SMYD3: variants seen among roughly 807,000 people sequenced by gnomAD.
The protein encoded by SMYD3 is histone-lysine N-methyltransferase SMYD3.
SMYD3 carries 36 observed loss-of-function variants against 57.7 expected under a neutral mutation model. That is an observed-to-expected ratio of 0.62 (90% CI 0.48 to 0.82). SMYD3 has a LOEUF of 0.82. SMYD3 is among the 40% of genes least tolerant of loss of function. The probability of loss-of-function intolerance (pLI) is 0.00; values close to 1 mark genes in which losing one functional copy is unlikely to be tolerated. For missense variants in SMYD3, 515 were observed against 538.8 expected, an observed-to-expected ratio of 0.96 and a Z score of 0.44; for synonymous variants, 211 against 195.0, an observed-to-expected ratio of 1.08 and a Z score of -0.68.
chr1:246,346,200 C>T (rs982318435), intron 2 of SMYD3, among the ~76,000 whole-genome samples: 3 of 152,032 alleles, frequency 2.0e-5, no homozygotes, highest in Non-Finnish European at 2.9e-5. Context: ...AGGAGAATGG[C>T]GTGAATCCGG....
intron 10 of SMYD3, among the ~76,000 whole-genome samples, chr1:245,792,233 T>C (rs913658873): frequency 2.6e-5 from 4 of 152,186 alleles, no homozygotes; most frequent in Admixed American, 2.6e-4. Context: ...GTTACCTCAA[T>C]TAATCCTCAC....
intron 5 of SMYD3, among the ~76,000 whole-genome samples, chr1:245,943,677 A>G (rs1359571324): frequency 2.0e-5 from 3 of 152,180 alleles, no homozygotes; most frequent in African/African-American, 4.8e-5. Flanking sequence ...GAGGTACAAC[A>G]AAAAAAGAAA....
At chr1:246,397,997 G>A (rs529994992) in intron 1 of SMYD3, among the ~76,000 whole-genome samples, 1 of 152,078 alleles carries the variant, frequency 6.6e-6, no homozygotes, top group South Asian at 2.1e-4. Context: ...GACTGGTTGA[G>A]TCCTGGGTCG....
chr1:246,376,754 G>A (rs1046138559), intron 1 of SMYD3, among the ~76,000 whole-genome samples: 1 of 151,850 alleles, frequency 6.6e-6, no homozygotes, highest in Non-Finnish European at 1.5e-5. Flanking sequence ...TACTTAGGTC[G>A]ACTTCTCTAC....
At chr1:245,903,677 G>C (rs1280962169) in intron 8 of SMYD3, among the ~76,000 whole-genome samples, 1 of 152,198 alleles carries the variant, frequency 6.6e-6, no homozygotes, top group Non-Finnish European at 1.5e-5. Context: ...TGCTAGGGAA[G>C]GGATGATATA....
chr1:246,402,002 G>A (rs113656869), intron 1 of SMYD3, among the ~76,000 whole-genome samples: 3 of 152,216 alleles, frequency 2.0e-5, no homozygotes, highest in Non-Finnish European at 4.4e-5. Flanking sequence ...GATTACAGGC[G>A]TGGGCCGCCG....
chr1:246,010,788 T>C (rs908284727), intron 5 of SMYD3, among the ~76,000 whole-genome samples: 2 of 152,240 alleles, frequency 1.3e-5, no homozygotes, highest in African/African-American at 4.8e-5. Flanking sequence ...GCATGGTGTC[T>C]ATGGATATCT....
chr1:246,224,109 C>T (rs916171703), intron 5 of SMYD3, among the ~76,000 whole-genome samples: 2 of 152,010 alleles, frequency 1.3e-5, no homozygotes, highest in Non-Finnish European at 2.9e-5. Flanking sequence ...CCAGAGAGAA[C>T]AAGACTGGCA....
intron 5 of SMYD3, among the ~76,000 whole-genome samples, chr1:246,145,423 T>C (rs2061827968): frequency 1.3e-5 from 2 of 152,334 alleles, no homozygotes; most frequent in South Asian, 4.1e-4. Context: ...TATTAGATAA[T>C]TTTGTGCAAG....
At chr1:246,502,734 C>T (rs1379740374) in intron 1 of SMYD3, among the ~76,000 whole-genome samples, 1 of 152,164 alleles carries the variant, frequency 6.6e-6, no homozygotes, top group African/African-American at 2.4e-5. Context: ...CTGGTCTCTG[C>T]TGCAAGGAGG....
chr1:246,063,733 A>G (rs1368804760), intron 5 of SMYD3, among the ~76,000 whole-genome samples: 1 of 151,602 alleles, frequency 6.6e-6, no homozygotes, highest in Non-Finnish European at 1.5e-5. Context: ...TCCACCTCCC[A>G]GGTTCAAGCA....
At chr1:246,145,377 T>A (rs778571524) in intron 5 of SMYD3, among the ~76,000 whole-genome samples, 2 of 152,220 alleles carry the variant, frequency 1.3e-5, no homozygotes, top group Non-Finnish European at 2.9e-5. Context: ...TTATTACATA[T>A]TAAATTTGAC....
chr1:246,087,633 T>G (rs1189866798), intron 5 of SMYD3, among the ~76,000 whole-genome samples: 1 of 152,246 alleles, frequency 6.6e-6, no homozygotes, highest in East Asian at 1.9e-4. Flanking sequence ...CCAAAACACT[T>G]TAGCCTACCA....
chr1:246,433,186 G>A lies in SMYD3; in HGVS notation c.164+73868C>T, dbSNP rs1352874344. On this transcript the variant is annotated intron_variant, in intron 1 of 11. Coordinates refer to ENST00000490107, the MANE Select transcript of SMYD3 (RefSeq NM_001167740.2). ...TATACCCCTATAACATTCAAGCTGAGGGTCAAATTAAGATCACAATCTCAC... is the reference window on the plus strand; with the variant it reads ...TATACCCCTATAACATTCAAGCTGAAGGTCAAATTAAGATCACAATCTCAC... Among the ~76,000 whole-genome samples the A allele has an allele frequency of 2.0e-5, 3 of 152,222 alleles. No individual in the cohort carries two copies. The East Asian group carries it at 5.8e-4, about 29-fold the overall frequency.
intron 8 of SMYD3, among the ~76,000 whole-genome samples, chr1:245,883,077 G>C (rs2052878755): frequency 1.3e-5 from 2 of 152,132 alleles, no homozygotes; most frequent in African/African-American, 4.8e-5. Context: ...TTTTCCATTT[G>C]AATCTGTCTG....
chr1:246,490,426 T>C (rs191241807), intron 1 of SMYD3, among the ~76,000 whole-genome samples: 1 of 152,226 alleles, frequency 6.6e-6, no homozygotes, highest in Admixed American at 6.5e-5. Context: ...AACATCCTTG[T>C]GTACTTAGCA....
At chr1:246,088,589 G>A (rs1490524463) in intron 5 of SMYD3, among the ~76,000 whole-genome samples, 1 of 88,874 alleles carries the variant, frequency 1.1e-5, no homozygotes, top group Non-Finnish European at 2.1e-5. Flanking sequence ...CAGCCTGGGC[G>A]ACAGGGCGAG....
At chr1:245,794,609 C>T (rs922303132) in intron 10 of SMYD3, among the ~76,000 whole-genome samples, 3 of 152,200 alleles carry the variant, frequency 2.0e-5, no homozygotes, top group Admixed American at 6.5e-5. Context: ...GCTGGTCATT[C>T]GTTCTACTCT....
chr1:246,375,610 G>A (rs1422180578), intron 1 of SMYD3, among the ~76,000 whole-genome samples: 2 of 152,088 alleles, frequency 1.3e-5, no homozygotes, highest in African/African-American at 4.8e-5. Context: ...TACATATGCT[G>A]CTTATTTTCT....
Sources: allele counts gnomAD v4.1 joint callset (sites outside exome capture counted in the v4.1 genomes callset), GRCh38; gene constraint gnomAD v4.1.1; transcripts MANE v1.5; gene names NCBI Gene and HGNC (gene_info 2026-07-23, HGNC 2026-07-21).